CRYGN: variants seen among roughly 807,000 people sequenced by gnomAD.
CRYGN encodes the protein gamma-crystallin N.
CRYGN carries 17 observed loss-of-function variants against 19.2 expected under a neutral mutation model. The ratio of observed to expected loss-of-function variants is 0.89; its 90% confidence interval spans 0.61 to 1.33. The LOEUF (loss-of-function observed/expected upper bound fraction) is 1.33. CRYGN is among the 40% of genes most tolerant of loss of function. The pLI, the probability that CRYGN is intolerant of heterozygous loss-of-function variation, is 0.00. For missense variants in CRYGN, 239 were observed against 239.6 expected, an observed-to-expected ratio of 1.00 and a Z score of 0.02; for synonymous variants, 84 against 85.8, an observed-to-expected ratio of 0.98 and a Z score of 0.12.
chr7:151,439,842 A>AG, intron 1 of CRYGN, 55 bp downstream of exon 1: 3 of 1,525,034 alleles, frequency 2.0e-6, no homozygotes, highest in South Asian at 1.2e-5. Flanking sequence ...CCCCTAGCAC[A>AG]GGGGGCGAAG....
intron 1 of CRYGN, 52 bp downstream of exon 1, chr7:151,439,845 G>A: frequency 6.5e-7 from 1 of 1,530,076 alleles, no homozygotes; most frequent in Non-Finnish European, 8.8e-7. Flanking sequence ...CTAGCACAGG[G>A]GGCGAAGGCG....
Position 151,433,184 on chromosome 7 carries a change from T to A in CRYGN, c.416+2996A>T, listed in dbSNP as rs1801511712. ...AGAGAGCAGAAACAGTCAGGACAAG[T>A]CTTTACAGAGCCTGGAGGACCTCGG... On this transcript the variant is annotated intron_variant, in intron 3 of 3. Transcript: ENST00000337323. This position sits in a 1 kb window ranked among gnomAD's most constrained non-coding sequence, Gnocchi z 5.1. Among the ~76,000 whole-genome samples, 1 of 152,034 alleles carries A rather than the reference T, an allele frequency of 6.6e-6. No individual in the cohort carries two copies. Among genetic ancestry groups the A allele is most frequent in the South Asian group, 2.1e-4 (1 of 4,808 alleles).
chr7:151,438,297 T>G, intron 1 of CRYGN, 53 bp from the exon 2 acceptor site: 1 of 1,548,988 alleles, frequency 6.5e-7, no homozygotes, highest in Non-Finnish European at 8.7e-7. Flanking sequence ...TCCGTCAGCG[T>G]TGGAGGCTGG....
In CRYGN at chr7:151,430,171, G is replaced by A. The variant is rs1410281588; in HGVS notation, c.426C>T (p.Ser142=). 1.9e-6 allele frequency: 3 copies of A among 1,613,944 alleles called. No homozygotes were observed. Among genetic ancestry groups the A allele is most frequent in the Non-Finnish European group, 2.5e-6 (3 of 1,180,002 alleles). Residue 142 remains serine (S), a synonymous_variant, in exon 4 of 4, where the codon AGC becomes AGT. Transcript: ENST00000337323. This position sits in a 1 kb window ranked among gnomAD's most constrained non-coding sequence, Gnocchi z 5.2. ...AGTCCTCAGCTCCGAAGCTTCTAGG[G>A]CTCCATGCTCTGTGGTTTGCAGGTG... ...IKVYGDGAAW[S]PRSFGAEDFQ...
rs1801588077 is a variant in CRYGN, at chr7:151,435,804, G to C, written c.416+376C>G. Among the ~76,000 whole-genome samples the C allele has an allele frequency of 6.6e-6, 1 of 152,112 alleles. No homozygotes were observed. Among genetic ancestry groups the C allele is most frequent in the Admixed American group, 6.5e-5 (1 of 15,276 alleles). On this transcript the variant is annotated intron_variant, in intron 3 of 3. Coordinates refer to ENST00000337323, the MANE Select transcript of CRYGN (RefSeq NM_144727.3). This position sits in a 1 kb window ranked among gnomAD's most constrained non-coding sequence, Gnocchi z 4.2. Reference sequence around the variant, plus strand: ...GCCCTGGAGGACCCCTTGGTAAGCAGGTGTCCCCCGGTTCAAGAAAACCAA... The same window carrying C: ...GCCCTGGAGGACCCCTTGGTAAGCACGTGTCCCCCGGTTCAAGAAAACCAA...
Position 151,430,231 on chromosome 7 carries a change from G to T in CRYGN, c.417-51C>A, listed in dbSNP as rs1243410469. On this transcript the variant is annotated intron_variant, in intron 3 of 3. Transcript: ENST00000337323. This position sits in a 1 kb window ranked among gnomAD's most constrained non-coding sequence, Gnocchi z 5.2. Reference sequence around the variant, plus strand: ...GGGGCCAGGGCATTAGGGGTACAGAGCAGGCCTTTTGGGGACCCATCTACC... The same window carrying T: ...GGGGCCAGGGCATTAGGGGTACAGATCAGGCCTTTTGGGGACCCATCTACC... 1.3e-6 allele frequency: 2 copies of T among 1,597,178 alleles called. No individual in the cohort carries two copies. The highest frequency in any genetic ancestry group is 1.7e-6 in the Non-Finnish European group (2 of 1,168,964).
At chr7:151,438,369 G>C in intron 1 of CRYGN, 125 bp from the exon 2 acceptor site, 1 of 929,926 alleles carries the variant, frequency 1.1e-6, no homozygotes. Flanking sequence ...GCCCAGACCT[G>C]CTGCACACAG....
In CRYGN at chr7:151,435,691, A is replaced by AGCTCT. The variant is rs546214391; in HGVS notation, c.416+484_416+488dup. ...TGCAGAGAGGCCCGGTTCAGGGGTCAGCTCTGCGGGGTAGGCGCGGGGGCA... is the reference window on the plus strand; with the variant it reads ...TGCAGAGAGGCCCGGTTCAGGGGTCAGCTCTGCTCTGCGGGGTAGGCGCGGGGGCA... On this transcript the variant is annotated intron_variant, in intron 3 of 3. Transcript: ENST00000337323. The surrounding 1 kb of genome is among the most constrained non-coding windows in gnomAD (Gnocchi z 4.2). Among the ~76,000 whole-genome samples the AGCTCT allele has an allele frequency of 1.4e-3, 211 of 149,968 alleles. 1 individual carries two copies. The highest frequency in any genetic ancestry group is 2.2e-3 in the Admixed American group (34 of 15,142).
chr7:151,432,865 C>T (rs1398402220), intron 3 of CRYGN, among the ~76,000 whole-genome samples: 1 of 152,230 alleles, frequency 6.6e-6, no homozygotes, highest in Non-Finnish European at 1.5e-5. Flanking sequence ...AGACAGTACC[C>T]CCAGCACCTG....
intron 3 of CRYGN, chr7:151,432,419 G>A: frequency 2.3e-6 from 1 of 439,330 alleles, no homozygotes; most frequent in Non-Finnish European, 3.8e-6. Context: ...CTACACGAAG[G>A]CACCCACGGT....
Position 151,429,829 on chromosome 7 carries a change from C to T in CRYGN, c.*219G>A, listed in dbSNP as rs1801424046. ...CTGAGGCCAGCAGGGTGCCAAGGCC[C>T]AAGGAGGCTGTGGGGTGGAGGGTTG... is the stretch of plus-strand genomic sequence containing the variant. On this transcript the variant is annotated 3_prime_UTR_variant, in exon 4 of 4. Coordinates refer to ENST00000337323, the MANE Select transcript of CRYGN (RefSeq NM_144727.3). The T allele has an allele frequency of 1.7e-6, 1 of 583,264 alleles. No individual in the cohort carries two copies. The highest frequency in any genetic ancestry group is 1.9e-5 in the African/African-American group (1 of 53,550). 36.1% of individuals were successfully genotyped at this position (583,264 alleles called of 1,614,324 possible).
In CRYGN at chr7:151,432,187, C is replaced by T. The variant is rs376892155; in HGVS notation, c.417-2007G>A. ...GACCACCTTGTGGAGCGACTGCACT[C>T]GTGCGCTGTGGGCCTCCCAGTCCGA... is the stretch of plus-strand genomic sequence containing the variant. On this transcript the variant is annotated intron_variant, in intron 3 of 3. Transcript: ENST00000337323. The T allele has an allele frequency of 7.3e-4, 899 of 1,232,086 alleles. 12 individuals are homozygous for T. In the South Asian group the frequency reaches 0.032, roughly 44 times the overall value. 76.3% of individuals were successfully genotyped at this position (1,232,086 alleles called of 1,614,324 possible).
Position 151,436,185 on chromosome 7 carries a change from G to A in CRYGN, c.411C>T (p.Asp137=), listed in dbSNP as rs2075001. The part of the protein sequence containing the change: ...NCVNTIKVYG[D]GAAWSPRSFG... ...GCCACGTGGCCTGTACTCACGCTCCGTCCCCGTACACCTTGATGGTGTTCA... is the reference window on the plus strand; with the variant it reads ...GCCACGTGGCCTGTACTCACGCTCCATCCCCGTACACCTTGATGGTGTTCA... Residue 137 remains aspartate, a synonymous_variant, in exon 3 of 4, where the codon GAC becomes GAT. Transcript: ENST00000337323. This position sits in a 1 kb window ranked among gnomAD's most constrained non-coding sequence, Gnocchi z 5.1. 182,219 of 1,516,400 alleles carry A rather than the reference G, an allele frequency of 0.12. 14,543 individuals carry two copies. Among genetic ancestry groups the A allele is most frequent in the East Asian group, 0.38 (15,018 of 39,942 alleles). 93.9% of individuals were successfully genotyped at this position (1,516,400 alleles called of 1,614,324 possible).
chr7:151,432,471 A>G (rs1222064362), intron 3 of CRYGN, among the ~76,000 whole-genome samples: 2 of 152,124 alleles, frequency 1.3e-5, no homozygotes, highest in Non-Finnish European at 2.9e-5. Flanking sequence ...GGGGTGTGAC[A>G]TGTGTGGGGA....
chr7:151,431,127 C>T lies in CRYGN; in HGVS notation c.417-947G>A, dbSNP rs1030159397. Reference sequence around the variant, plus strand: ...TCTGGGGTGGGCTATGGTTTCCTCACAGGCAGGCTCCATTCAGGACTCTGC... The same window carrying T: ...TCTGGGGTGGGCTATGGTTTCCTCATAGGCAGGCTCCATTCAGGACTCTGC... On this transcript the variant is annotated intron_variant, in intron 3 of 3. Coordinates refer to ENST00000337323, the MANE Select transcript of CRYGN (RefSeq NM_144727.3). This position sits in a 1 kb window ranked among gnomAD's most constrained non-coding sequence, Gnocchi z 4.8. Among the ~76,000 whole-genome samples the T allele has an allele frequency of 6.6e-6, 1 of 152,192 alleles. No individual in the cohort carries two copies. The highest frequency in any genetic ancestry group is 6.5e-5 in the Admixed American group (1 of 15,294).
Position 151,436,242 on chromosome 7 carries a change from G to A in CRYGN, c.354C>T (p.Phe118=), listed in dbSNP as rs1801605490. 1 of 1,598,638 alleles carries A rather than the reference G, an allele frequency of 6.3e-7. No homozygotes were observed. Among genetic ancestry groups the A allele is most frequent in the African/African-American group, 1.3e-5 (1 of 74,458 alleles). The change falls in exon 3 of 4, where the codon TTC becomes TTT. Residue 118 remains phenylalanine (F), a synonymous_variant. Coordinates refer to ENST00000337323, the MANE Select transcript of CRYGN (RefSeq NM_144727.3). This position sits in a 1 kb window ranked among gnomAD's most constrained non-coding sequence, Gnocchi z 5.1. Reference sequence around the variant, plus strand: ...TCTTGACCCAGCCCCTGCTCTGGAGGAAGGGGCTGTCCTCCAGGAACTCCA... The same window carrying A: ...TCTTGACCCAGCCCCTGCTCTGGAGAAAGGGGCTGTCCTCCAGGAACTCCA... ...QCLEFLEDSP[F]LQSRGWVKNC...
At chr7:151,434,411 G>A (rs1231959896) in intron 3 of CRYGN, among the ~76,000 whole-genome samples, 5 of 152,138 alleles carry the variant, frequency 3.3e-5, no homozygotes, top group African/African-American at 1.2e-4. Flanking sequence ...AGTTTTCCAG[G>A]GCAAATTCTT....
Position 151,436,469 on chromosome 7 carries a change from C to G in CRYGN, c.271-144G>C. 1.7e-6 allele frequency: 1 copy of G among 586,250 alleles called. No individual in the cohort carries two copies. The highest frequency in any genetic ancestry group is 2.7e-6 in the Non-Finnish European group (1 of 365,316). 36.3% of individuals were successfully genotyped at this position (586,250 alleles called of 1,614,324 possible). On this transcript the variant is annotated intron_variant, in intron 2 of 3. Coordinates refer to ENST00000337323, the MANE Select transcript of CRYGN (RefSeq NM_144727.3). The surrounding 1 kb of genome is among the most constrained non-coding windows in gnomAD (Gnocchi z 5.1). ...CCCCACACACTTCAACCCCACACTT[C>G]TGTTTGTTCTTCCACATGAGATGTG...
intron 2 of CRYGN, 144 bp downstream of exon 2, chr7:151,437,852 G>T (rs769462778): frequency 4.6e-6 from 7 of 1,515,584 alleles, no homozygotes; most frequent in Non-Finnish European, 6.2e-6. Context: ...ATGCCAGCAG[G>T]TGGCTCTGGG....
Sources: gnomAD v4.1 joint callset for allele counts (sites outside exome capture counted in the v4.1 genomes callset) on GRCh38, gnomAD v4.1.1 for gene constraint, Gnocchi (gnomAD v3.1) non-coding constraint, MANE v1.5 for transcripts, NCBI Gene and HGNC (gene_info 2026-07-23, HGNC 2026-07-21) for gene names.